Variants in PCGF3 observed in about 807,000 individuals in gnomAD.
The protein encoded by PCGF3 is polycomb group ring finger 3, also known as polycomb group RING finger protein 3.
PCGF3 carries 7 observed loss-of-function variants against 33.1 expected under a neutral mutation model. The ratio of observed to expected loss-of-function variants is 0.21; its 90% confidence interval spans 0.12 to 0.40. The LOEUF (loss-of-function observed/expected upper bound fraction) is 0.40, where lower values mean the gene tolerates loss of function less well. Among genes scored for constraint, PCGF3 ranks in the 10% least tolerant of loss-of-function variants. The pLI, the probability that PCGF3 is intolerant of heterozygous loss-of-function variation, is 1.00. For missense variants in PCGF3, 211 were observed against 313.3 expected (o/e 0.67, Z 2.46); for synonymous variants, 153 against 121.3 (o/e 1.26, Z -1.72).
At chr4:748,107 C>T (rs1744345313) in intron 8 of PCGF3, among the ~76,000 whole-genome samples, 1 of 152,122 alleles carries the variant, frequency 6.6e-6, no homozygotes, top group Non-Finnish European at 1.5e-5. Flanking sequence ...CTTCGTGTGT[C>T]ATTTACTGTA....
At position 764,754 on chromosome 4, in the gene PCGF3, C is replaced by T. The variant is rs1271215777; in HGVS notation, c.601-230C>T. 2.9e-5 allele frequency: 15 copies of T among 509,588 alleles called. No homozygotes were observed. The East Asian group carries it at 4.8e-4, about 16-fold the overall frequency. 31.6% of individuals were successfully genotyped at this position (509,588 alleles called of 1,614,324 possible). ...CTGGCACGGGCCTGCCCTGTAATAT[C>T]TTATATGTTGCACTGGATTTCCGTT... On this transcript the variant is annotated intron_variant, in intron 9 of 10. Transcript: ENST00000362003.
At chr4:730,161 C>T (rs1480900794) in intron 1 of PCGF3, among the ~76,000 whole-genome samples, 1 of 152,334 alleles carries the variant, frequency 6.6e-6, no homozygotes, top group East Asian at 1.9e-4. Flanking sequence ...GCAGGCAGGT[C>T]TGTGACTGGG....
intron 9 of PCGF3, chr4:762,947 G>A (rs544283814): frequency 6.6e-6 from 1 of 152,226 alleles, no homozygotes; most frequent in African/African-American, 2.4e-5. Context: ...GGTTTGGGGT[G>A]GGGGGTGGTG....
chr4:762,104 G>A (rs1263285412), intron 9 of PCGF3: 14 of 985,076 alleles, frequency 1.4e-5, no homozygotes, highest in Non-Finnish European at 1.7e-5. Context: ...TAGCAGCAGT[G>A]GACTCAGTGG....
At chr4:743,187 G>T (rs1318128963) in intron 6 of PCGF3, among the ~76,000 whole-genome samples, 1 of 152,224 alleles carries the variant, frequency 6.6e-6, no homozygotes, top group Non-Finnish European at 1.5e-5. Context: ...AGGTGGGGAT[G>T]ACAGTCCCGC....
intron 1 of PCGF3, among the ~76,000 whole-genome samples, chr4:711,443 C>CTTT (rs201359627): frequency 0.025 from 3,040 of 122,514 alleles, 151 homozygotes; most frequent in Non-Finnish European, 0.03. Flanking sequence ...TGTAATTTTT[C>CTTT]TTTTTTTTTT....
rs1743150100 is a variant in PCGF3, at chr4:722,727, CG to C, written c.-189-7902del. Among the ~76,000 whole-genome samples, 3 of 79,394 alleles carry C rather than the reference CG, an allele frequency of 3.8e-5. 1 individual carries two copies. Among genetic ancestry groups the C allele is most frequent in the African/African-American group, 1.3e-4 (2 of 15,820 alleles). The allele number at this position is 79,394 out of a possible 152,430, so 52.1% of individuals were successfully genotyped here. A position where few individuals can be genotyped will look rare whatever the true frequency, so the allele number is the denominator to read the frequency against. On this transcript the variant is annotated intron_variant, in intron 1 of 10. Coordinates refer to ENST00000362003, the Ensembl canonical transcript of PCGF3. Reference sequence around the variant, plus strand: ...TGCGCTGGGTCCACACTCGCGTCATCGCCCACCCACGCCGGGTCCACACTCG... The same window carrying C: ...TGCGCTGGGTCCACACTCGCGTCATCCCCACCCACGCCGGGTCCACACTCG...
intron 6 of PCGF3, among the ~76,000 whole-genome samples, chr4:739,206 ATTTC>A (rs544446231): frequency 6.1e-4 from 92 of 151,986 alleles, no homozygotes; most frequent in South Asian, 2.7e-3. Context: ...GTTGTTGTTT[ATTTC>A]TTTATTTATT....
At chr4:723,044 G>A (rs1169070108) in intron 1 of PCGF3, among the ~76,000 whole-genome samples, 3 of 128,154 alleles carry the variant, frequency 2.3e-5, no homozygotes, top group Admixed American at 8.2e-5. Context: ...CCACACTCAC[G>A]TCATCGCCAT....
At chr4:741,002 C>T (rs1560208552) in intron 6 of PCGF3, among the ~76,000 whole-genome samples, 2 of 152,190 alleles carry the variant, frequency 1.3e-5, no homozygotes, top group Non-Finnish European at 2.9e-5. Context: ...ACTTCGAAGC[C>T]GCAGTGAACT....
At chr4:706,307 G>A (rs540679889) in intron 1 of PCGF3, among the ~76,000 whole-genome samples, 1 of 142,838 alleles carries the variant, frequency 7.0e-6, no homozygotes, top group African/African-American at 2.5e-5. Flanking sequence ...GAAGACCCCA[G>A]CCCAGGCAGG....
At chr4:707,468 C>T (rs1184131066) in intron 1 of PCGF3, among the ~76,000 whole-genome samples, 2 of 151,202 alleles carry the variant, frequency 1.3e-5, no homozygotes, top group Admixed American at 6.6e-5. Context: ...TGAGACAGCC[C>T]TGTTTTCCCC....
intron 1 of PCGF3, among the ~76,000 whole-genome samples, chr4:728,527 C>T (rs372975335): frequency 2.1e-4 from 32 of 152,366 alleles, no homozygotes; most frequent in Middle Eastern, 3.4e-3. Context: ...GACACCACTT[C>T]ATGTCCGGGA....
rs182629201 is a variant in PCGF3, at chr4:717,667, C to T, written c.-190+11697C>T. 7.4e-4 allele frequency among the ~76,000 whole-genome samples: 112 copies of T among 152,306 alleles called. 1 individual carries two copies. In the East Asian group the frequency reaches 0.019, roughly 25 times the overall value. On this transcript the variant is annotated intron_variant, in intron 1 of 10. Transcript: ENST00000362003. The stretch of plus-strand genomic sequence containing the variant: ...TGCTGGGATTACAAGTGTGAGCCAC[C>T]GCGCCCGGCTGTGTGTGCTTACTTT...
chr4:735,644 T>C (rs1235246817), intron 5 of PCGF3, among the ~76,000 whole-genome samples: 1 of 152,224 alleles, frequency 6.6e-6, no homozygotes, highest in African/African-American at 2.4e-5. Context: ...TGAAGTTAAA[T>C]TTGATGTGAG....
At chr4:761,798 G>A in intron 9 of PCGF3, 1 of 985,462 alleles carries the variant, frequency 1.0e-6, no homozygotes, top group Non-Finnish European at 1.2e-6. Flanking sequence ...ACGAAGGAGT[G>A]CTGGCATGAG....
intron 8 of PCGF3, among the ~76,000 whole-genome samples, chr4:751,983 T>G (rs1744535280): frequency 6.6e-6 from 1 of 152,268 alleles, no homozygotes; most frequent in Non-Finnish European, 1.5e-5. Context: ...GAGAGGCAAG[T>G]TTAGTCATCG....
chr4:756,299 A>G (rs1018479383), intron 8 of PCGF3, among the ~76,000 whole-genome samples: 10 of 147,382 alleles, frequency 6.8e-5, no homozygotes, highest in Non-Finnish European at 1.5e-5. Context: ...TGCAACCTCT[A>G]CCTCCCTGGT....
At chr4:707,219 G>A (rs76998058) in intron 1 of PCGF3, among the ~76,000 whole-genome samples, 19 of 56,882 alleles carry the variant, frequency 3.3e-4, no homozygotes, top group South Asian at 8.7e-4. Context: ...GGCAGGGCCC[G>A]GGGGGGCTAG....
Sources: allele counts gnomAD v4.1 joint callset (sites outside exome capture counted in the v4.1 genomes callset), GRCh38; gene constraint gnomAD v4.1.1; transcripts MANE v1.5; gene names NCBI Gene and HGNC (gene_info 2026-07-23, HGNC 2026-07-21).